COX7B2: variants seen among roughly 807,000 people sequenced by gnomAD.
COX7B2 encodes the protein cytochrome c oxidase subunit 7B2, mitochondrial.
For synonymous variants in COX7B2, 37 were observed against 32.1 expected, an observed-to-expected ratio of 1.15 and a Z score of -0.51; for missense variants, 109 against 95.9, an observed-to-expected ratio of 1.14 and a Z score of -0.57.
intron 2 of COX7B2, among the ~76,000 whole-genome samples, chr4:46,817,999 T>C (rs775959417): frequency 6.6e-6 from 1 of 152,124 alleles, no homozygotes; most frequent in Admixed American, 6.5e-5. Context: ...AATTGCAAAA[T>C]AGAGATTTCT....
At chr4:46,832,904 C>CT (rs370738031) in intron 2 of COX7B2, among the ~76,000 whole-genome samples, 12,444 of 147,188 alleles carry the variant, frequency 0.085, 583 homozygotes, top group South Asian at 0.17. Flanking sequence ...AACTGTGAGC[C>CT]TTTTTTTTTT....
rs145042504 is a variant in COX7B2 at position 46,888,410 on chromosome 4, G to A, written c.-105+20750C>T. On this transcript the variant is annotated intron_variant, in intron 1 of 2. Coordinates refer to ENST00000355591, the MANE Select transcript of COX7B2 (RefSeq NM_130902.3). ...AAGTAATACATACAATTTAAGTAACGGTGCTGGACAGGGGCAGATTATGTT... is the reference window on the plus strand; with the variant it reads ...AAGTAATACATACAATTTAAGTAACAGTGCTGGACAGGGGCAGATTATGTT... Among the ~76,000 whole-genome samples the A allele has an allele frequency of 1.4e-3, 216 of 151,568 alleles. 2 individuals are homozygous for A. The highest frequency in any genetic ancestry group is 4.9e-3 in the African/African-American group (203 of 41,388).
intron 2 of COX7B2, among the ~76,000 whole-genome samples, chr4:46,771,566 A>C (rs1477211318): frequency 6.6e-6 from 1 of 151,860 alleles, no homozygotes; most frequent in Non-Finnish European, 1.5e-5. Flanking sequence ...TTTTATTTGG[A>C]ATAGTTGCTT....
chr4:46,794,667 G>C (rs1718228017), intron 2 of COX7B2, among the ~76,000 whole-genome samples: 1 of 152,128 alleles, frequency 6.6e-6, no homozygotes, highest in Admixed American at 6.5e-5. Flanking sequence ...GGTGACAGGG[G>C]CCAAGTGGTA....
chr4:46,863,994 G>A (rs538667640), intron 1 of COX7B2, among the ~76,000 whole-genome samples: 1 of 152,130 alleles, frequency 6.6e-6, no homozygotes, highest in Non-Finnish European at 1.5e-5. Flanking sequence ...ACAGGGGCCG[G>A]ACATGCCTCA....
rs150271649 is a variant in COX7B2, at chr4:46,835,585, C to T, written c.-50+9375G>A. ...AAATGGTTTTCAATGGAAAAAACTG[C>T]GTAAGATATAGCATGTTACAGAACA... On this transcript the variant is annotated intron_variant, in intron 2 of 2. Coordinates refer to ENST00000355591, the MANE Select transcript of COX7B2 (RefSeq NM_130902.3). Among the ~76,000 whole-genome samples, 680 of 152,136 alleles carry T rather than the reference C, an allele frequency of 4.5e-3. 6 individuals carry two copies. Among genetic ancestry groups the T allele is most frequent in the African/African-American group, 0.016 (658 of 41,498 alleles).
chr4:46,887,657 G>A (rs1026996675), intron 1 of COX7B2, among the ~76,000 whole-genome samples: 3 of 148,228 alleles, frequency 2.0e-5, no homozygotes, highest in Non-Finnish European at 4.4e-5. Flanking sequence ...CTTGCAGTGA[G>A]CTGAGATTGT....
chr4:46,872,465 C>T (rs539531079), intron 1 of COX7B2, among the ~76,000 whole-genome samples: 1 of 152,170 alleles, frequency 6.6e-6, no homozygotes, highest in South Asian at 2.1e-4. Context: ...TACCCCTGAA[C>T]CTAAAATAAA....
chr4:46,851,808 G>A (rs1009349289), intron 1 of COX7B2, among the ~76,000 whole-genome samples: 2 of 151,992 alleles, frequency 1.3e-5, no homozygotes, highest in Admixed American at 6.6e-5. Context: ...TTTTTGATAA[G>A]AATACTACAA....
chr4:46,837,931 C>T (rs1715648076), intron 2 of COX7B2, among the ~76,000 whole-genome samples: 1 of 151,838 alleles, frequency 6.6e-6, no homozygotes, highest in Admixed American at 6.6e-5. Flanking sequence ...AATCTAAAAA[C>T]TAAGGTCGAA....
chr4:46,804,890 G>A (rs919283069), intron 2 of COX7B2, among the ~76,000 whole-genome samples: 42 of 152,328 alleles, frequency 2.8e-4, no homozygotes, highest in African/African-American at 6.0e-4. Flanking sequence ...GGCTGTGCAC[G>A]TCGGGGAGGC....
chr4:46,900,145 T>G (rs1176341666), intron 1 of COX7B2, among the ~76,000 whole-genome samples: 1 of 152,190 alleles, frequency 6.6e-6, no homozygotes, highest in African/African-American at 2.4e-5. Context: ...CATACTGGGA[T>G]AGTTTACCTA....
At chr4:46,843,294 G>A (rs1385563754) in intron 2 of COX7B2, among the ~76,000 whole-genome samples, 2 of 151,942 alleles carry the variant, frequency 1.3e-5, no homozygotes. Context: ...AAAATAAGGG[G>A]TGTCATAAGG....
intron 2 of COX7B2, among the ~76,000 whole-genome samples, chr4:46,831,358 G>A (rs896179973): frequency 2.4e-4 from 36 of 152,180 alleles, no homozygotes; most frequent in African/African-American, 7.5e-4. Context: ...TGTGCGGCCC[G>A]AGCCTCCTCA....
intron 1 of COX7B2, among the ~76,000 whole-genome samples, chr4:46,893,868 C>T (rs1472932280): frequency 2.6e-5 from 4 of 152,040 alleles, no homozygotes; most frequent in Non-Finnish European, 5.9e-5. Context: ...TATATACCAA[C>T]AACAGCCAAG....
At chr4:46,822,190 C>T (rs1253190954) in intron 2 of COX7B2, among the ~76,000 whole-genome samples, 5 of 152,244 alleles carry the variant, frequency 3.3e-5, no homozygotes, top group African/African-American at 7.2e-5. Context: ...GGATTACAGA[C>T]GTGAGCTACC....
At chr4:46,873,215 G>A (rs1718108971) in intron 1 of COX7B2, among the ~76,000 whole-genome samples, 1 of 152,068 alleles carries the variant, frequency 6.6e-6, no homozygotes, top group South Asian at 2.1e-4. Context: ...TCTTTATCCA[G>A]TCTATCATTG....
intron 1 of COX7B2, among the ~76,000 whole-genome samples, chr4:46,883,754 T>C (rs1294086934): frequency 6.6e-6 from 1 of 150,790 alleles, no homozygotes; most frequent in African/African-American, 2.4e-5. Flanking sequence ...AGTGAGATCT[T>C]CTATTAATCA....
At chr4:46,743,817 G>A (rs543650217) in intron 2 of COX7B2, among the ~76,000 whole-genome samples, 73 of 152,180 alleles carry the variant, frequency 4.8e-4, no homozygotes, top group African/African-American at 1.7e-3. Flanking sequence ...ACACAATTAG[G>A]GGAAAACCAA....
Sources: gnomAD v4.1 joint callset for allele counts (sites outside exome capture counted in the v4.1 genomes callset) on GRCh38, gnomAD v4.1.1 for gene constraint, MANE v1.5 for transcripts, NCBI Gene and HGNC (gene_info 2026-07-23, HGNC 2026-07-21) for gene names.